SCYL1: variants seen among roughly 807,000 people sequenced by gnomAD.
The protein encoded by SCYL1 is N-terminal kinase-like protein.
Under a neutral mutation model 94.8 loss-of-function variants are expected in SCYL1, and 85 were observed. The observed-to-expected ratio is 0.90, with a 90% CI of 0.75 to 1.07. SCYL1 has a LOEUF of 1.07. Among genes scored for constraint, SCYL1 ranks in the 50% least tolerant of loss-of-function variants. The pLI is 0.00. For synonymous variants in SCYL1, 459 were observed against 435.5 expected (o/e 1.05, Z -0.67); for missense variants, 968 against 1,083.3 (o/e 0.89, Z 1.49).
chr11:65,528,006 C>T (rs1855175195), intron 6 of SCYL1, among the ~76,000 whole-genome samples: 1 of 152,204 alleles, frequency 6.6e-6, no homozygotes, highest in Admixed American at 6.5e-5. Context: ...ACACCCTGTA[C>T]TGGCTGCAGG....
Position 65,526,733 on chromosome 11 carries a change from C to A in SCYL1, c.603-50C>A. On this transcript the variant is annotated intron_variant, in intron 4 of 17. Coordinates refer to ENST00000270176, the MANE Select transcript of SCYL1 (RefSeq NM_020680.4). This position sits in a 1 kb window ranked among gnomAD's most constrained non-coding sequence, Gnocchi z 4.1. ...CCTGGTGCCCAAGGCAGGCTGGAGGCCTGTGCAGGTGGTTGGTGGGGCCCT... is the reference window on the plus strand; with the variant it reads ...CCTGGTGCCCAAGGCAGGCTGGAGGACTGTGCAGGTGGTTGGTGGGGCCCT... 1.3e-6 allele frequency: 2 copies of A among 1,563,284 alleles called. No individual in the cohort carries two copies. Among genetic ancestry groups the A allele is most frequent in the Non-Finnish European group, 1.7e-6 (2 of 1,144,186 alleles).
intron 12 of SCYL1, 93 bp from the exon 13 acceptor site, chr11:65,536,493 G>A: frequency 3.4e-6 from 5 of 1,472,098 alleles, no homozygotes; most frequent in Non-Finnish European, 4.7e-6. Flanking sequence ...GAGAAAGGAG[G>A]GGTGGCTGCA....
At chr11:65,537,725 G>C in intron 14 of SCYL1, 84 bp from the exon 15 acceptor site, 2 of 1,208,122 alleles carry the variant, frequency 1.7e-6, no homozygotes, top group Non-Finnish European at 2.3e-6. Flanking sequence ...ACAGTGGTGG[G>C]GCCCGTGGCT....
In SCYL1 at chr11:65,536,986, G is replaced by A. The variant is rs755062750; in HGVS notation, c.1817G>A (p.Gly606Glu). The change falls in exon 14 of 18, where the codon GGA becomes GAA. Residue 606 changes from glycine to glutamate, a missense_variant and splice_region_variant. Transcript: ENST00000270176. The part of the protein sequence containing the change: ...TNIPQRPTPE[G>E]VPAPAPTPVP... ...AGCTCAGTGAGCCTCTGCTCCCCAG[G>A]AGTTCCTGCCCCAGCCCCCACCCCT... is the stretch of plus-strand genomic sequence containing the variant. The A allele has an allele frequency of 2.7e-5, 44 of 1,611,422 alleles. No individual in the cohort carries two copies. Among genetic ancestry groups the A allele is most frequent in the Non-Finnish European group, 3.1e-5 (37 of 1,177,868 alleles).
intron 8 of SCYL1, among the ~76,000 whole-genome samples, chr11:65,532,400 C>T (rs931409437): frequency 4.8e-5 from 7 of 144,878 alleles, no homozygotes; most frequent in African/African-American, 1.5e-4. Context: ...ACTCCAGCCT[C>T]GGTGACAGAG....
chr11:65,531,519 C>T lies in SCYL1; in HGVS notation c.1009-57C>T, dbSNP rs150704099. ...TATCAGCCCCAGGAATTTAGATAAG[C>T]CCAGCAAAGTCAGCCCATTCCTGTG... On this transcript the variant is annotated intron_variant, in intron 7 of 17. Coordinates refer to ENST00000270176, the MANE Select transcript of SCYL1 (RefSeq NM_020680.4). 698 of 1,334,352 alleles carry T rather than the reference C, an allele frequency of 5.2e-4. 3 individuals are homozygous for T. In the African/African-American group the frequency reaches 8.4e-3, roughly 16 times the overall value. 82.7% of individuals were successfully genotyped at this position (1,334,352 alleles called of 1,614,324 possible).
intron 10 of SCYL1, chr11:65,535,588 G>T: frequency 2.9e-6 from 2 of 690,104 alleles, no homozygotes. Context: ...GAATCCAGGC[G>T]TGCTTGGCCC....
At position 65,537,121 on chromosome 11, in the gene SCYL1, G is replaced by A. The variant is rs2845563; in HGVS notation, c.1952G>A (p.Ser651Asn). 24 of 1,614,166 alleles carry A rather than the reference G, an allele frequency of 1.5e-5. No individual in the cohort carries two copies. The African/African-American group carries it at 2.9e-4, about 20-fold the overall frequency. Reference sequence around the variant, plus strand: ...AGATGGGACGACGAAGACTGGGGCAGCCTGGAGGTGTGTGGGGCTGAGGGA... The same window carrying A: ...AGATGGGACGACGAAGACTGGGGCAACCTGGAGGTGTGTGGGGCTGAGGGA... ...ADRWDDEDWGSLEQEAESVLA... is the reference protein window; with the variant it reads ...ADRWDDEDWGNLEQEAESVLA... The change falls in exon 14 of 18, where the codon AGC (serine) becomes AAC (asparagine). Residue 651 changes from serine (S) to asparagine (N), a missense_variant. By Grantham distance (46) the Ser-to-Asn change is conservative (BLOSUM62 1). Around this residue, in one of 2 missense-constraint regions of SCYL1, gnomAD observed 474 missense variants for 463.6 expected, o/e 1.02. Coordinates refer to ENST00000270176, the MANE Select transcript of SCYL1 (RefSeq NM_020680.4).
chr11:65,536,125 A>G lies in SCYL1; in HGVS notation c.1559A>G (p.Lys520Arg), dbSNP rs1311321373. Reference protein sequence around the residue: ...VLCGLTVDPEKSVRDQAFKAI... With the variant: ...VLCGLTVDPERSVRDQAFKAI... ...TGCGGTCTCACTGTAGATCCTGAGA[A>G]ATCCGTGCGAGACCAGGTGAGGCAC... Residue 520 changes from lysine to arginine, a missense_variant, in exon 11 of 18, where the codon AAA (lysine) becomes AGA (arginine). This residue lies in a region of SCYL1 where 474 missense variants were observed against 463.6 expected (regional missense o/e 1.02). Coordinates refer to ENST00000270176, the MANE Select transcript of SCYL1 (RefSeq NM_020680.4). The G allele has an allele frequency of 6.2e-7, 1 of 1,613,598 alleles. No homozygotes were observed. The highest frequency in any genetic ancestry group is 1.3e-5 in the African/African-American group (1 of 74,914).
rs1411583859 is a variant in SCYL1, at chr11:65,525,146, T to G, written c.-8T>G. 1.7e-5 allele frequency: 23 copies of G among 1,316,312 alleles called. No homozygotes were observed. The highest frequency in any genetic ancestry group is 2.2e-5 in the Non-Finnish European group (23 of 1,023,400). 81.5% of individuals were successfully genotyped at this position (1,316,312 alleles called of 1,614,324 possible). Reference sequence around the variant, plus strand: ...AAGGCGCCCGAACCCGCGGCGGCGGTGGGGACGATGTGGTTCTTTGCCCGG... The same window carrying G: ...AAGGCGCCCGAACCCGCGGCGGCGGGGGGGACGATGTGGTTCTTTGCCCGG... On this transcript the variant is annotated 5_prime_UTR_variant, in exon 1 of 18. Transcript: ENST00000270176.
intron 8 of SCYL1, 102 bp from the exon 9 acceptor site, chr11:65,532,590 A>C (rs1185718867): frequency 1.1e-6 from 1 of 922,766 alleles, no homozygotes; most frequent in Non-Finnish European, 1.7e-6. Flanking sequence ...CTGGCTGGCC[A>C]GTGCCTGCTG....
At chr11:65,534,856 G>C (rs1262514305) in intron 9 of SCYL1, among the ~76,000 whole-genome samples, 1 of 152,160 alleles carries the variant, frequency 6.6e-6, no homozygotes, top group Non-Finnish European at 1.5e-5. Context: ...GAACTGCTGA[G>C]GGTCAAGTTT....
intron 7 of SCYL1, among the ~76,000 whole-genome samples, chr11:65,531,293 C>A (rs182677740): frequency 6.6e-6 from 1 of 152,250 alleles, no homozygotes; most frequent in South Asian, 2.1e-4. Flanking sequence ...AGCTGAGAAC[C>A]CCCAGAAATT....
intron 12 of SCYL1, 119 bp from the exon 13 acceptor site, chr11:65,536,467 G>T: frequency 7.0e-7 from 1 of 1,418,580 alleles, no homozygotes; most frequent in Non-Finnish European, 9.8e-7. Context: ...TTCACAGATG[G>T]GAGAAATCAG....
chr11:65,533,765 G>C (rs889597804), intron 9 of SCYL1, among the ~76,000 whole-genome samples: 6 of 152,094 alleles, frequency 3.9e-5, no homozygotes, highest in African/African-American at 1.2e-4. Context: ...GGGCAACAGA[G>C]TGAGACCTCA....
At chr11:65,536,820 C>A (rs1390886526) in intron 13 of SCYL1, 70 bp downstream of exon 13, 7 of 1,495,042 alleles carry the variant, frequency 4.7e-6, no homozygotes, top group Admixed American at 1.8e-5. Flanking sequence ...GGAACTCTTA[C>A]TGTCTGACTC....
rs774814579 is a variant in SCYL1 at position 65,536,146 on chromosome 11, G to T, written c.1575+5G>T. 1.2e-6 allele frequency: 2 copies of T among 1,612,146 alleles called. No homozygotes were observed. Among genetic ancestry groups the T allele is most frequent in the Non-Finnish European group, 1.7e-6 (2 of 1,178,720 alleles). ...GAGAAATCCGTGCGAGACCAGGTGAGGCACAGCTGGGCCTGGGCCCTGGGC... is the reference window on the plus strand; with the variant it reads ...GAGAAATCCGTGCGAGACCAGGTGATGCACAGCTGGGCCTGGGCCCTGGGC... On this transcript the variant is annotated splice_donor_5th_base_variant and intron_variant, in intron 11 of 17. Transcript: ENST00000270176.
rs775733535 is a variant in SCYL1, at chr11:65,536,548, C to T, written c.1652-38C>T. 20 of 1,608,988 alleles carry T rather than the reference C, an allele frequency of 1.2e-5. 1 individual carries two copies. The highest frequency in any genetic ancestry group is 9.9e-5 in the South Asian group (9 of 90,852). ...TGTCCTGTCACCCATGGGTGCCTGA[C>T]GTGCCCATACCCACCTCTCTCTCAT... On this transcript the variant is annotated intron_variant, in intron 12 of 17. Transcript: ENST00000270176.
Position 65,537,807 on chromosome 11 carries a change from A to G in SCYL1, c.1960-2A>G. On this transcript the variant is annotated splice_acceptor_variant, in intron 14 of 17. Transcript: ENST00000270176. LOFTEE classifies it high-confidence loss of function. ...AGTCAGTGGTCCCTTCCCACACTGC[A>G]GCAGGAGGCCGAGTCTGTGCTGGCC... The G allele has an allele frequency of 1.3e-6, 2 of 1,557,828 alleles. No individual in the cohort carries two copies. The highest frequency in any genetic ancestry group is 1.7e-6 in the Non-Finnish European group (2 of 1,150,510).
Sources: gnomAD v4.1 joint callset for allele counts (sites outside exome capture counted in the v4.1 genomes callset) on GRCh38, gnomAD v4.1.1 for gene constraint, gnomAD v4.1.1 regional missense constraint, Gnocchi (gnomAD v3.1) non-coding constraint, MANE v1.5 for transcripts, NCBI Gene and HGNC (gene_info 2026-07-23, HGNC 2026-07-21) for gene names.